PDE1A: variants seen among roughly 807,000 people sequenced by gnomAD.
PDE1A encodes the protein dual specificity calcium/calmodulin-dependent 3',5'-cyclic nucleotide phosphodiesterase 1A.
Under a neutral mutation model 61.7 loss-of-function variants are expected in PDE1A, and 35 were observed. That is an observed-to-expected ratio of 0.57 (90% CI 0.43 to 0.75). PDE1A has a LOEUF of 0.75. Ranked by LOEUF, PDE1A falls within the 30% of genes least tolerant of loss-of-function variation. PDE1A has a pLI of 0.00. For synonymous variants in PDE1A, 232 were observed against 213.2 expected, an observed-to-expected ratio of 1.09 and a Z score of -0.77; for missense variants, 597 against 630.6, an observed-to-expected ratio of 0.95 and a Z score of 0.57.
intron 1 of PDE1A, among the ~76,000 whole-genome samples, chr2:182,281,340 G>A (rs1460198531): frequency 6.6e-6 from 1 of 151,888 alleles, no homozygotes; most frequent in African/African-American, 2.4e-5. Flanking sequence ...TATAATGAGT[G>A]CTTTGTCTTA....
chr2:182,300,468 T>C lies in PDE1A; in HGVS notation c.54-36054A>G, dbSNP rs530943694. 3.9e-5 allele frequency among the ~76,000 whole-genome samples: 6 copies of C among 152,280 alleles called. No individual in the cohort carries two copies. In the South Asian group the frequency reaches 6.2e-4, roughly 16 times the overall value. ...GTGATATCCCTGAAAGACAATAGTA[T>C]GGACAAGCCTTCCCATTGGGCAGAG... is the stretch of plus-strand genomic sequence containing the variant. On this transcript the variant is annotated intron_variant, in intron 1 of 13. Coordinates refer to ENST00000351439, the Ensembl canonical transcript of PDE1A.
intron 1 of PDE1A, among the ~76,000 whole-genome samples, chr2:182,269,752 G>C (rs756445791): frequency 3.6e-4 from 55 of 151,984 alleles, no homozygotes; most frequent in Non-Finnish European, 4.9e-4. Context: ...AAGAATCAGG[G>C]AAGAAGAGGT....
the PDE1A span, among the ~76,000 whole-genome samples, chr2:182,629,476 T>C: frequency 1.3e-5 from 2 of 152,162 alleles, no homozygotes; most frequent in South Asian, 2.1e-4. Context: ...ATTTACAAAA[T>C]ACACATACAC....
At chr2:182,494,704 G>A (rs542560788) in intron 2 of PDE1A, among the ~76,000 whole-genome samples, 102 of 151,430 alleles carry the variant, frequency 6.7e-4, no homozygotes, top group Non-Finnish European at 1.2e-3. Flanking sequence ...TTTTCAAAGC[G>A]AAGAATCTGA....
intron 2 of PDE1A, among the ~76,000 whole-genome samples, chr2:182,472,754 A>G (rs1375949716): frequency 1.4e-5 from 2 of 146,762 alleles, no homozygotes; most frequent in Non-Finnish European, 3.0e-5. Flanking sequence ...CTCAACTGCT[A>G]TTAAATTCAC....
chr2:182,655,042 G>T, the PDE1A span, among the ~76,000 whole-genome samples: 1 of 152,022 alleles, frequency 6.6e-6, no homozygotes, highest in African/African-American at 2.4e-5. Flanking sequence ...TTTTGTCTAG[G>T]CAACCACAGA....
chr2:182,250,566 A>G (rs2568681), intron 2 of PDE1A, among the ~76,000 whole-genome samples: 2 of 151,072 alleles, frequency 1.3e-5, no homozygotes, highest in Non-Finnish European at 2.9e-5. Context: ...GCTTTTTTTT[A>G]AAAAAAAGTT....
chr2:182,657,740 T>C, the PDE1A span, among the ~76,000 whole-genome samples: 4 of 152,022 alleles, frequency 2.6e-5, no homozygotes, highest in Non-Finnish European at 5.9e-5. Flanking sequence ...TAGTAGGAGG[T>C]ATATTTTTTG....
At chr2:182,185,772 C>A in intron 13 of PDE1A, 120 bp downstream of exon 13, 2 of 1,532,710 alleles carry the variant, frequency 1.3e-6, no homozygotes, top group East Asian at 2.4e-5. Flanking sequence ...GCCAAATTCC[C>A]AATACCATCA....
At chr2:182,248,947 C>G (rs113813208) in intron 2 of PDE1A, among the ~76,000 whole-genome samples, 314 of 152,272 alleles carry the variant, frequency 2.1e-3, no homozygotes, top group Middle Eastern at 3.4e-3. Context: ...CATCCAAATA[C>G]CATTTAACTA....
chr2:182,230,979 T>A (rs1459499556), intron 5 of PDE1A, 36 bp downstream of exon 5: 6 of 987,164 alleles, frequency 6.1e-6, no homozygotes, highest in Non-Finnish European at 9.5e-6. Context: ...AATAACCAAT[T>A]CTAAGAGCAT....
chr2:182,147,214 A>C, intron 13 of PDE1A, 62 bp from the exon 14 acceptor site: 1 of 901,564 alleles, frequency 1.1e-6, no homozygotes. Flanking sequence ...AAAACTAATA[A>C]GGTTAGGAGA....
intron 1 of PDE1A, among the ~76,000 whole-genome samples, chr2:182,407,946 A>G (rs1702395891): frequency 6.6e-6 from 1 of 152,184 alleles, no homozygotes; most frequent in South Asian, 2.1e-4. Context: ...AATATAGATA[A>G]GTAGATAATT....
the PDE1A span, among the ~76,000 whole-genome samples, chr2:182,563,046 T>C: frequency 2.0e-5 from 3 of 152,248 alleles, no homozygotes; most frequent in Non-Finnish European, 2.9e-5. Flanking sequence ...TTTTTGTGTC[T>C]CTATTTCCTT....
intron 7 of PDE1A, among the ~76,000 whole-genome samples, chr2:182,219,648 T>C (rs1285324720): frequency 6.6e-6 from 1 of 152,088 alleles, no homozygotes; most frequent in Non-Finnish European, 1.5e-5. Context: ...CTGTCAAGTG[T>C]AAAACTGCCT....
chr2:182,143,164 A>C (rs961724491), downstream of PDE1A: 2 of 152,200 alleles, frequency 1.3e-5, no homozygotes, highest in Non-Finnish European at 2.9e-5. Context: ...GTCTACTGTA[A>C]AACATGGTTA....
At chr2:182,184,054 G>GAAAGA (rs1325067927) in intron 13 of PDE1A, among the ~76,000 whole-genome samples, 34 of 135,662 alleles carry the variant, frequency 2.5e-4, no homozygotes, top group Admixed American at 5.9e-4. Flanking sequence ...AAGAAAGAAA[G>GAAAGA]AACAATTAAA....
At chr2:182,411,099 G>A (rs576563934) in intron 1 of PDE1A, among the ~76,000 whole-genome samples, 24 of 152,250 alleles carry the variant, frequency 1.6e-4, no homozygotes, top group South Asian at 4.2e-4. Context: ...CAGAATGTTC[G>A]TTGCCAACAC....
At position 182,426,793 on chromosome 2, in the gene PDE1A, C is replaced by T. The variant is rs935073392; in HGVS notation, c.-163G>A. 24 of 1,449,910 alleles carry T rather than the reference C, an allele frequency of 1.7e-5. No individual in the cohort carries two copies. The highest frequency in any genetic ancestry group is 2.2e-4 in the Middle Eastern group (1 of 4,572). 89.8% of individuals were successfully genotyped at this position (1,449,910 alleles called of 1,614,324 possible). A position where few individuals can be genotyped will look rare whatever the true frequency, so the allele number is the denominator to read the frequency against. On this transcript the variant is annotated 5_prime_UTR_variant, in exon 1 of 14. An upstream open reading frame in the 5' UTR gains an earlier in-frame stop. Coordinates refer to ENST00000351439, the Ensembl canonical transcript of PDE1A. ...TGGGAGAAAACTTCCCTGTTCTCTG[C>T]CAGCTGAGCAGTGTGTCCATAGAGG...
Sources: allele counts gnomAD v4.1 joint callset (sites outside exome capture counted in the v4.1 genomes callset), GRCh38; gene constraint gnomAD v4.1.1; transcripts MANE v1.5; gene names NCBI Gene and HGNC (gene_info 2026-07-23, HGNC 2026-07-21).